The following HNRNPC variants were observed in gnomAD, a reference collection of about 807,000 sequenced individuals.
The protein encoded by HNRNPC is heterogeneous nuclear ribonucleoprotein C, also known as heterogeneous nuclear ribonucleoproteins C1/C2.
HNRNPC carries 3 observed loss-of-function variants against 33.2 expected under a neutral mutation model. The observed-to-expected ratio is 0.09, with a 90% CI of 0.04 to 0.23. The LOEUF (loss-of-function observed/expected upper bound fraction) is 0.23. Among genes scored for constraint, HNRNPC ranks in the 10% least tolerant of loss-of-function variants. The pLI, the probability that HNRNPC is intolerant of heterozygous loss-of-function variation, is 1.00. For synonymous variants in HNRNPC, 121 were observed against 126.7 expected, an observed-to-expected ratio of 0.96 and a Z score of 0.30; for missense variants, 143 against 366.7, an observed-to-expected ratio of 0.39 and a Z score of 4.98.
At chr14:21,254,151 A>T (rs553260799) in intron 2 of HNRNPC, among the ~76,000 whole-genome samples, 5 of 152,050 alleles carry the variant, frequency 3.3e-5, no homozygotes, top group Admixed American at 3.3e-4. Flanking sequence ...CTGGGGCTTA[A>T]ATGTAAGAAA....
intron 2 of HNRNPC, among the ~76,000 whole-genome samples, chr14:21,256,658 C>CT (rs201763241): frequency 0.016 from 2,365 of 151,570 alleles, 52 homozygotes; most frequent in Non-Finnish European, 0.019. Flanking sequence ...TTTTTCCTTT[C>CT]TTTTTTTTGT....
chr14:21,220,083 A>G (rs1322885032), intron 5 of HNRNPC, among the ~76,000 whole-genome samples: 3 of 152,208 alleles, frequency 2.0e-5, no homozygotes, highest in Non-Finnish European at 4.4e-5. Flanking sequence ...AGTAAGAGTG[A>G]TCTTGTTAAA....
At chr14:21,234,889 C>A (rs1894512829) in intron 2 of HNRNPC, 1 of 140,460 alleles carries the variant, frequency 7.1e-6, no homozygotes, top group Non-Finnish European at 1.6e-5. Flanking sequence ...AGTATCAATA[C>A]CATCTTTTTA....
rs565541464 is a variant in HNRNPC, at chr14:21,242,266, C to T, written c.-36-8037G>A. On this transcript the variant is annotated intron_variant, in intron 2 of 8. Coordinates refer to ENST00000553300, the MANE Select transcript of HNRNPC (RefSeq NM_004500.4). Reference sequence around the variant, plus strand: ...TTGGGAGGCCAAGGCAGGAAGATCACGAGGTCAAGAGGTGGAGACCAAACT... The same window carrying T: ...TTGGGAGGCCAAGGCAGGAAGATCATGAGGTCAAGAGGTGGAGACCAAACT... Among the ~76,000 whole-genome samples the T allele has an allele frequency of 5.9e-5, 9 of 152,252 alleles. 1 individual carries two copies. In the South Asian group the frequency reaches 1.5e-3, roughly 25 times the overall value.
intron 2 of HNRNPC, among the ~76,000 whole-genome samples, chr14:21,235,635 C>T (rs543450597): frequency 1.3e-5 from 2 of 152,232 alleles, no homozygotes; most frequent in South Asian, 4.1e-4. Flanking sequence ...CACTGAAATC[C>T]ACCAACAGCC....
In HNRNPC at chr14:21,230,923, G is replaced by A. The variant is rs763531907; in HGVS notation, c.317+74C>T. 23 of 1,541,104 alleles carry A rather than the reference G, an allele frequency of 1.5e-5. No individual in the cohort carries two copies. The Admixed American group carries it at 2.4e-4, about 16-fold the overall frequency. ...CAGAAAGAGAAGATGCCCACTGATG[G>A]ACACAATGCAGTTATAAATAATAAA... On this transcript the variant is annotated intron_variant, in intron 4 of 8. Coordinates refer to ENST00000553300, the MANE Select transcript of HNRNPC (RefSeq NM_004500.4).
intron 2 of HNRNPC, among the ~76,000 whole-genome samples, chr14:21,256,429 A>G (rs1877220587): frequency 6.6e-6 from 1 of 152,070 alleles, no homozygotes; most frequent in African/African-American, 2.4e-5. Context: ...AGCCTGGGCA[A>G]AGAGAGCAAA....
chr14:21,233,586 G>A (rs1894349044), intron 3 of HNRNPC, among the ~76,000 whole-genome samples: 1 of 152,034 alleles, frequency 6.6e-6, no homozygotes, highest in African/African-American at 2.4e-5. Flanking sequence ...AACTGCAGTC[G>A]GCCCAACGGA....
chr14:21,238,212 C>T (rs1299310901), intron 2 of HNRNPC, among the ~76,000 whole-genome samples: 1 of 152,094 alleles, frequency 6.6e-6, no homozygotes, highest in Non-Finnish European at 1.5e-5. Context: ...TTTTTATAAC[C>T]GAGTTCTAAC....
At chr14:21,230,860 A>C (rs1024816017) in intron 4 of HNRNPC, 137 bp downstream of exon 4, 2 of 935,020 alleles carry the variant, frequency 2.1e-6, no homozygotes, top group African/African-American at 1.6e-5. Flanking sequence ...ATACACAGAT[A>C]AAACACAGTA....
Position 21,211,210 on chromosome 14 carries a change from C to A in HNRNPC, c.*13G>T, listed in dbSNP as rs1198484561. 1 of 1,611,554 alleles carries A rather than the reference C, an allele frequency of 6.2e-7. No individual in the cohort carries two copies. The highest frequency in any genetic ancestry group is 8.5e-7 in the Non-Finnish European group (1 of 1,178,076). On this transcript the variant is annotated 3_prime_UTR_variant, in exon 9 of 9. Coordinates refer to ENST00000553300, the MANE Select transcript of HNRNPC (RefSeq NM_004500.4). ...GAAATAATGGGATAAGATTTCTAAA[C>A]CCCACTATGTGCTTAAGAGTCATCC...
chr14:21,253,789 G>C (rs1249944933), intron 2 of HNRNPC, among the ~76,000 whole-genome samples: 1 of 152,082 alleles, frequency 6.6e-6, no homozygotes, highest in Admixed American at 6.6e-5. Context: ...TGTGCGGCCA[G>C]GCGCGGTGGC....
chr14:21,241,345 T>C (rs1895320762), intron 2 of HNRNPC, among the ~76,000 whole-genome samples: 1 of 151,610 alleles, frequency 6.6e-6, no homozygotes. Flanking sequence ...GCCAATTCTA[T>C]ATACTAAATA....
intron 5 of HNRNPC, among the ~76,000 whole-genome samples, chr14:21,229,020 T>C (rs1893793357): frequency 2.0e-5 from 3 of 149,610 alleles, no homozygotes; most frequent in Non-Finnish European, 4.4e-5. Flanking sequence ...AAGAGGCGTA[T>C]GTTGCAGTGA....
At chr14:21,233,461 TAATAA>T (rs1223761692) in intron 3 of HNRNPC, among the ~76,000 whole-genome samples, 2 of 152,178 alleles carry the variant, frequency 1.3e-5, no homozygotes, top group Admixed American at 6.5e-5. Context: ...CTAGTACAAC[TAATAA>T]AATAAACATG....
At chr14:21,230,878 A>T in intron 4 of HNRNPC, 119 bp downstream of exon 4, 1 of 1,127,892 alleles carries the variant, frequency 8.9e-7, no homozygotes, top group South Asian at 1.4e-5. Flanking sequence ...GTACACTTAA[A>T]CCTCCCCACA....
chr14:21,217,172 G>GTA (rs1418243128), intron 5 of HNRNPC, among the ~76,000 whole-genome samples: 1 of 152,218 alleles, frequency 6.6e-6, no homozygotes, highest in Non-Finnish European at 1.5e-5. Flanking sequence ...ATCTGAGGAA[G>GTA]TAGTCCTTGC....
intron 2 of HNRNPC, among the ~76,000 whole-genome samples, chr14:21,262,422 A>G (rs1215759181): frequency 6.6e-6 from 1 of 152,264 alleles, no homozygotes; most frequent in African/African-American, 2.4e-5. Context: ...TTAGCAACTC[A>G]TATTATTCCA....
chr14:21,258,609 A>G (rs1327382659), intron 2 of HNRNPC, among the ~76,000 whole-genome samples: 1 of 152,216 alleles, frequency 6.6e-6, no homozygotes, highest in Non-Finnish European at 1.5e-5. Context: ...TGATTAAGTT[A>G]ACACAAACTC....
Sources: allele counts gnomAD v4.1 joint callset (sites outside exome capture counted in the v4.1 genomes callset), GRCh38; gene constraint gnomAD v4.1.1; transcripts MANE v1.5; gene names NCBI Gene and HGNC (gene_info 2026-07-23, HGNC 2026-07-21).